The following FRMPD4 variants were observed in gnomAD, a reference collection of about 807,000 sequenced individuals.
FRMPD4 encodes the protein FERM and PDZ domain containing 4, also known as FERM and PDZ domain-containing protein 4.
Under a neutral mutation model 94.1 loss-of-function variants are expected in FRMPD4, and 22 were observed. The observed-to-expected ratio is 0.23, with a 90% CI of 0.17 to 0.33. The LOEUF is 0.33. FRMPD4 is among the 10% of genes least tolerant of loss of function. FRMPD4 has a pLI of 1.00. For missense variants in FRMPD4, 1,111 were observed against 1,339.9 expected, an observed-to-expected ratio of 0.83 and a Z score of 2.67; for synonymous variants, 631 against 548.6, an observed-to-expected ratio of 1.15 and a Z score of -2.10.
chrX:12,509,157 C>T lies in FRMPD4; in HGVS notation c.158+10361C>T, dbSNP rs778774839. Among the ~76,000 whole-genome samples the T allele has an allele frequency of 2.9e-3, 318 of 110,960 alleles. 1 individual carries two copies. The highest frequency in any genetic ancestry group is 9.7e-3 in the African/African-American group (297 of 30,503). ...TGGTGGGAATATAAGCTAGTACAAC[C>T]GCTATGGAAAACAGTATGGAGATTC... On this transcript the variant is annotated intron_variant, in intron 2 of 16. Coordinates refer to ENST00000675598, the MANE Select transcript of FRMPD4 (RefSeq NM_001368397.1).
intron 3 of FRMPD4, among the ~76,000 whole-genome samples, chrX:12,068,378 G>C (rs773126544): frequency 9.1e-6 from 1 of 110,368 alleles, no homozygotes; most frequent in African/African-American, 3.3e-5. Flanking sequence ...TAAAAATTTT[G>C]TTTTTTTTCA....
At chrX:11,835,700 A>G (rs1468010940) in intron 1 of FRMPD4, among the ~76,000 whole-genome samples, 2 of 111,172 alleles carry the variant, frequency 1.8e-5, no homozygotes, top group African/African-American at 6.6e-5. Context: ...TTCCCTTTCA[A>G]CCATTTTGTC....
At chrX:12,667,066 G>A (rs1186884689) in intron 4 of FRMPD4, among the ~76,000 whole-genome samples, 5 of 111,844 alleles carry the variant, frequency 4.5e-5, no homozygotes, top group Middle Eastern at 4.6e-3. Flanking sequence ...GCACTTTATC[G>A]CCTTTCTTTC....
intron 3 of FRMPD4, among the ~76,000 whole-genome samples, chrX:11,927,684 T>TG (rs1246927960): frequency 8.9e-6 from 1 of 112,514 alleles, no homozygotes; most frequent in Admixed American, 9.4e-5. Context: ...CTAGGATAAC[T>TG]GGCTAGCCAT....
intron 3 of FRMPD4, among the ~76,000 whole-genome samples, chrX:12,052,513 T>C (rs960023780): frequency 8.9e-6 from 1 of 112,153 alleles, no homozygotes; most frequent in African/African-American, 3.2e-5. Context: ...CAAAGGAATA[T>C]ATACTTAAAG....
chrX:12,300,021 C>G (rs773945953), intron 1 of FRMPD4, among the ~76,000 whole-genome samples: 64 of 112,096 alleles, frequency 5.7e-4, no homozygotes, highest in Admixed American at 9.4e-4. Flanking sequence ...TGAAAACAGA[C>G]ACAAAGGACA....
chrX:12,437,501 G>C (rs2057083248), intron 1 of FRMPD4, among the ~76,000 whole-genome samples: 1 of 108,558 alleles, frequency 9.2e-6, no homozygotes, highest in Non-Finnish European at 1.9e-5. Context: ...CTCCTGCTGT[G>C]CCCAGCTGTG....
chrX:12,187,976 A>T (rs1292489079), intron 1 of FRMPD4, among the ~76,000 whole-genome samples: 4 of 111,756 alleles, frequency 3.6e-5, no homozygotes, highest in Non-Finnish European at 3.8e-5. Context: ...CCAAACCAGC[A>T]TTCTGGCATA....
intron 1 of FRMPD4, among the ~76,000 whole-genome samples, chrX:12,320,300 A>C (rs1015644157): frequency 5.4e-5 from 6 of 111,467 alleles, no homozygotes; most frequent in Non-Finnish European, 9.4e-5. Context: ...CAAAAAGAGG[A>C]CAGGGGACTT....
At chrX:12,481,968 AAAAG>A (rs1310228201) in intron 1 of FRMPD4, among the ~76,000 whole-genome samples, 1 of 100,845 alleles carries the variant, frequency 9.9e-6, no homozygotes, top group East Asian at 3.1e-4. Flanking sequence ...AAAAAAAAAA[AAAAG>A]AAAGTGTTAT....
At chrX:12,442,836 T>C (rs1163300636) in intron 1 of FRMPD4, among the ~76,000 whole-genome samples, 1 of 111,830 alleles carries the variant, frequency 8.9e-6, no homozygotes, top group Non-Finnish European at 1.9e-5. Flanking sequence ...AACACAGATA[T>C]TCATAAAGTG....
chrX:12,625,858 A>G (rs1467658684), intron 4 of FRMPD4, among the ~76,000 whole-genome samples: 1 of 111,936 alleles, frequency 8.9e-6, no homozygotes, highest in African/African-American at 3.3e-5. Context: ...CCCTGATTTG[A>G]TCATTACACA....
chrX:12,601,247 C>T (rs188874189), intron 2 of FRMPD4, among the ~76,000 whole-genome samples: 45 of 111,959 alleles, frequency 4.0e-4, no homozygotes, highest in African/African-American at 4.5e-4. Context: ...AATTGATTAG[C>T]GGAGGTTAAA....
At chrX:12,186,309 T>A (rs2056423972) in intron 1 of FRMPD4, among the ~76,000 whole-genome samples, 1 of 111,764 alleles carries the variant, frequency 8.9e-6, no homozygotes, top group Admixed American at 9.5e-5. Context: ...TTGTAGTATA[T>A]GGGAGTTGCT....
intron 1 of FRMPD4, among the ~76,000 whole-genome samples, chrX:12,316,571 A>G (rs2055120472): frequency 8.9e-6 from 1 of 111,800 alleles, no homozygotes; most frequent in Non-Finnish European, 1.9e-5. Context: ...AAACTTGCTG[A>G]TATTATTTAT....
intron 1 of FRMPD4, among the ~76,000 whole-genome samples, chrX:12,428,456 G>A (rs1370228650): frequency 9.0e-6 from 1 of 111,023 alleles, no homozygotes; most frequent in African/African-American, 3.3e-5. Context: ...TTTTTTCCTG[G>A]ATTTCTCGAA....
chrX:12,286,766 A>T, intron 1 of FRMPD4, among the ~76,000 whole-genome samples: 1 of 111,670 alleles, frequency 9.0e-6, no homozygotes, highest in African/African-American at 3.3e-5. Context: ...TGGGGATTTA[A>T]GAAAGTCAAG....
At chrX:12,100,011 C>T (rs1448000853) in intron 3 of FRMPD4, among the ~76,000 whole-genome samples, 1 of 112,350 alleles carries the variant, frequency 8.9e-6, no homozygotes, top group Non-Finnish European at 1.9e-5. Context: ...GCCATGCCCA[C>T]TCATTTTCAT....
chrX:12,167,968 C>T (rs967540943), intron 1 of FRMPD4, among the ~76,000 whole-genome samples: 3 of 109,387 alleles, frequency 2.7e-5, no homozygotes, highest in South Asian at 4.0e-4. Flanking sequence ...CCCTAGGGGC[C>T]GTTTGAAAAT....
Sources: gnomAD v4.1 joint callset for allele counts (sites outside exome capture counted in the v4.1 genomes callset) on GRCh38, gnomAD v4.1.1 for gene constraint, MANE v1.5 for transcripts, NCBI Gene and HGNC (gene_info 2026-07-23, HGNC 2026-07-21) for gene names.